Variants in UBE2E2 observed in about 807,000 individuals in gnomAD.
UBE2E2 encodes ubiquitin-conjugating enzyme E2 E2.
UBE2E2 carries 6 observed loss-of-function variants against 24.7 expected under a neutral mutation model. The observed-to-expected ratio is 0.24, with a 90% CI of 0.13 to 0.48. The LOEUF is 0.48. UBE2E2 is among the 20% of genes least tolerant of loss of function. The pLI, the probability that UBE2E2 is intolerant of heterozygous loss-of-function variation, is 0.99. For missense variants in UBE2E2, 169 were observed against 245.0 expected, an observed-to-expected ratio of 0.69 and a Z score of 2.07; for synonymous variants, 104 against 83.6, an observed-to-expected ratio of 1.24 and a Z score of -1.33.
At chr3:23,268,120 G>C (rs941869339) in intron 3 of UBE2E2, among the ~76,000 whole-genome samples, 9 of 151,504 alleles carry the variant, frequency 5.9e-5, no homozygotes, top group African/African-American at 2.2e-4. Flanking sequence ...GCAAAAACTG[G>C]AAGCATTCCC....
chr3:23,419,814 C>A (rs1697750242), intron 3 of UBE2E2, among the ~76,000 whole-genome samples: 2 of 152,042 alleles, frequency 1.3e-5, no homozygotes, highest in Admixed American at 6.6e-5. Flanking sequence ...TCTTGAGGAA[C>A]CTGGTTAGTT....
intron 5 of UBE2E2, among the ~76,000 whole-genome samples, chr3:23,563,669 C>T (rs1695992187): frequency 6.6e-6 from 1 of 152,018 alleles, no homozygotes; most frequent in African/African-American, 2.4e-5. Flanking sequence ...ATCTGTATTG[C>T]ATCCTTTAAA....
intron 5 of UBE2E2, among the ~76,000 whole-genome samples, chr3:23,584,726 G>GTTTTTT (rs1158915900): frequency 5.6e-4 from 63 of 113,494 alleles, no homozygotes; most frequent in Middle Eastern, 6.9e-3. Flanking sequence ...GCTGTTTTTT[G>GTTTTTT]TTTTTTTTTT....
At chr3:23,526,612 C>CCG (rs1695005010) in intron 4 of UBE2E2, among the ~76,000 whole-genome samples, 1 of 152,100 alleles carries the variant, frequency 6.6e-6, no homozygotes, top group Non-Finnish European at 1.5e-5. Context: ...GGCAGGACCC[C>CCG]CAAAGAGGAG....
intron 3 of UBE2E2, among the ~76,000 whole-genome samples, chr3:23,285,597 G>A (rs572313525): frequency 4.6e-5 from 7 of 152,190 alleles, no homozygotes; most frequent in East Asian, 1.9e-4. Flanking sequence ...CTTTATTGTC[G>A]TTTTGATTTG....
At chr3:23,216,729 A>G (rs970409979) in intron 2 of UBE2E2, among the ~76,000 whole-genome samples, 2 of 152,020 alleles carry the variant, frequency 1.3e-5, no homozygotes, top group Non-Finnish European at 2.9e-5. Context: ...CTCATGTAAT[A>G]TTAGGGTAGT....
intron 4 of UBE2E2, among the ~76,000 whole-genome samples, chr3:23,516,583 A>G (rs1694745432): frequency 6.6e-6 from 1 of 152,192 alleles, no homozygotes; most frequent in African/African-American, 2.4e-5. Flanking sequence ...TATAATATCA[A>G]AGTGAAGACA....
intron 3 of UBE2E2, among the ~76,000 whole-genome samples, chr3:23,314,490 C>A (rs1270215190): frequency 6.6e-6 from 1 of 152,146 alleles, no homozygotes; most frequent in Non-Finnish European, 1.5e-5. Context: ...TGAGTAGTTA[C>A]ATCACAATTA....
At chr3:23,211,166 AT>A (rs1261866832) in intron 2 of UBE2E2, among the ~76,000 whole-genome samples, 1 of 152,110 alleles carries the variant, frequency 6.6e-6, no homozygotes, top group Non-Finnish European at 1.5e-5. Context: ...TAGGGATCGG[AT>A]TTTCCATGGA....
At chr3:23,497,082 G>A (rs996019635) in intron 3 of UBE2E2, among the ~76,000 whole-genome samples, 7 of 152,126 alleles carry the variant, frequency 4.6e-5, no homozygotes, top group South Asian at 2.1e-4. Context: ...GTATTGTACC[G>A]TGTTTATTGT....
chr3:23,531,605 T>A (rs753127249), intron 4 of UBE2E2, among the ~76,000 whole-genome samples: 1 of 152,058 alleles, frequency 6.6e-6, no homozygotes, highest in South Asian at 2.1e-4. Context: ...GCACTAATAT[T>A]ACGTTTTAAA....
At chr3:23,556,977 T>C (rs572424577) in intron 5 of UBE2E2, among the ~76,000 whole-genome samples, 2 of 152,294 alleles carry the variant, frequency 1.3e-5, no homozygotes, top group South Asian at 2.1e-4. Flanking sequence ...ATCTAAACAA[T>C]TGCCAAGTCC....
chr3:23,412,667 CTCT>C (rs1195899111), intron 3 of UBE2E2, among the ~76,000 whole-genome samples: 3 of 152,158 alleles, frequency 2.0e-5, no homozygotes, highest in Non-Finnish European at 4.4e-5. Flanking sequence ...TCAGAAACAA[CTCT>C]TCTTTCCTCA....
At chr3:23,358,835 C>G (rs541425857) in intron 3 of UBE2E2, among the ~76,000 whole-genome samples, 2 of 152,276 alleles carry the variant, frequency 1.3e-5, no homozygotes, top group South Asian at 2.1e-4. Context: ...TTGCTTATGT[C>G]TAGGCATTGT....
intron 3 of UBE2E2, among the ~76,000 whole-genome samples, chr3:23,342,850 T>C (rs1695436003): frequency 6.6e-6 from 1 of 152,152 alleles, no homozygotes; most frequent in African/African-American, 2.4e-5. Flanking sequence ...GCTTCATAGC[T>C]GTGGAAAATT....
intron 4 of UBE2E2, among the ~76,000 whole-genome samples, chr3:23,530,565 G>A (rs1020733688): frequency 5.9e-5 from 9 of 152,122 alleles, no homozygotes; most frequent in African/African-American, 2.2e-4. Context: ...TTGTTAGCTA[G>A]TGTTTACACA....
chr3:23,573,820 C>A lies in UBE2E2; in HGVS notation c.509-15914C>A, dbSNP rs150435497. 1.1e-4 allele frequency among the ~76,000 whole-genome samples: 16 copies of A among 152,174 alleles called. 1 individual carries two copies. The East Asian group carries it at 2.7e-3, about 26-fold the overall frequency. The stretch of plus-strand genomic sequence containing the variant: ...ATGTACGCCAATATGGGTTACTATT[C>A]ATGGAGATTGTGCTATTAGGTCAAT... On this transcript the variant is annotated intron_variant, in intron 5 of 5. Transcript: ENST00000396703.
At chr3:23,560,060 A>G (rs1368162911) in intron 5 of UBE2E2, among the ~76,000 whole-genome samples, 2 of 151,980 alleles carry the variant, frequency 1.3e-5, no homozygotes, top group South Asian at 4.1e-4. Context: ...ATATATGTAT[A>G]TATGTATTTT....
At chr3:23,521,665 G>A (rs1000750487) in intron 4 of UBE2E2, among the ~76,000 whole-genome samples, 18 of 152,112 alleles carry the variant, frequency 1.2e-4, no homozygotes, top group Admixed American at 9.8e-4. Flanking sequence ...CTTTGAATGC[G>A]GCCAACACAA....
Sources: gnomAD v4.1 joint callset for allele counts (sites outside exome capture counted in the v4.1 genomes callset) on GRCh38, gnomAD v4.1.1 for gene constraint, MANE v1.5 for transcripts, NCBI Gene and HGNC (gene_info 2026-07-23, HGNC 2026-07-21) for gene names.